The following BLVRA variants were observed in gnomAD, a reference collection of about 807,000 sequenced individuals.
BLVRA encodes the protein biliverdin reductase A.
Under a neutral mutation model 32.8 loss-of-function variants are expected in BLVRA, and 22 were observed. The ratio of observed to expected loss-of-function variants is 0.67; its 90% confidence interval spans 0.48 to 0.96. BLVRA has a LOEUF of 0.96. Among genes scored for constraint, BLVRA ranks in the 40% least tolerant of loss-of-function variants. The probability of loss-of-function intolerance (pLI) is 0.00; values close to 1 mark genes in which losing one functional copy is unlikely to be tolerated. For missense variants in BLVRA, 323 were observed against 358.1 expected, an observed-to-expected ratio of 0.90 and a Z score of 0.79; for synonymous variants, 119 against 141.3, an observed-to-expected ratio of 0.84 and a Z score of 1.12.
At chr7:43,781,431 C>T (rs1270963836) in intron 2 of BLVRA, among the ~76,000 whole-genome samples, 1 of 152,166 alleles carries the variant, frequency 6.6e-6, no homozygotes, top group Non-Finnish European at 1.5e-5. Context: ...ACTGCAACCT[C>T]GGCCTCCCGT....
intron 1 of BLVRA, among the ~76,000 whole-genome samples, chr7:43,765,288 G>A (rs1213975368): frequency 1.3e-5 from 2 of 152,152 alleles, no homozygotes; most frequent in African/African-American, 2.4e-5. Flanking sequence ...GTCTTGCTCT[G>A]TTGCCCAAGC....
At chr7:43,771,305 T>C in intron 2 of BLVRA, 135 bp downstream of exon 2, 1 of 1,046,456 alleles carries the variant, frequency 9.6e-7, no homozygotes, top group South Asian at 1.3e-5. Flanking sequence ...CCTACTGAAG[T>C]GCACGTGGTT....
At chr7:43,765,355 A>C (rs1302174149) in intron 1 of BLVRA, among the ~76,000 whole-genome samples, 1 of 152,000 alleles carries the variant, frequency 6.6e-6, no homozygotes. Context: ...GGGTTCAAGC[A>C]ATTCTCATGT....
At chr7:43,785,723 G>T (rs532215060) in intron 2 of BLVRA, among the ~76,000 whole-genome samples, 6 of 152,270 alleles carry the variant, frequency 3.9e-5, no homozygotes, top group African/African-American at 1.4e-4. Context: ...AGAATCTCTC[G>T]CTTCAATATT....
intron 3 of BLVRA, among the ~76,000 whole-genome samples, chr7:43,788,276 A>T (rs879292423): frequency 5.9e-5 from 9 of 152,212 alleles, no homozygotes; most frequent in South Asian, 2.1e-4. Flanking sequence ...GGTGAGCTCA[A>T]GGCTGACAGT....
intron 2 of BLVRA, among the ~76,000 whole-genome samples, chr7:43,784,224 A>G (rs1425678194): frequency 1.3e-5 from 2 of 152,242 alleles, no homozygotes; most frequent in East Asian, 3.8e-4. Context: ...CCAAAGGTTC[A>G]GGATAGCAGA....
At chr7:43,802,091 G>A (rs1159001600) in intron 6 of BLVRA, among the ~76,000 whole-genome samples, 2 of 152,010 alleles carry the variant, frequency 1.3e-5, no homozygotes, top group East Asian at 3.8e-4. Context: ...GTAGTGAGCC[G>A]AGATCGCACC....
At chr7:43,797,017 C>CAGCA (rs2095793551) in intron 5 of BLVRA, among the ~76,000 whole-genome samples, 1 of 152,226 alleles carries the variant, frequency 6.6e-6, no homozygotes, top group African/African-American at 2.4e-5. Flanking sequence ...CAGTAACCAC[C>CAGCA]AGCATCAGTC....
At chr7:43,772,068 C>T (rs2095755244) in intron 2 of BLVRA, among the ~76,000 whole-genome samples, 1 of 152,236 alleles carries the variant, frequency 6.6e-6, no homozygotes, top group African/African-American at 2.4e-5. Context: ...GAGAAAGTTC[C>T]AGGTTGTGAA....
chr7:43,779,309 C>T (rs557078618), intron 2 of BLVRA, among the ~76,000 whole-genome samples: 76 of 152,310 alleles, frequency 5.0e-4, no homozygotes, highest in Middle Eastern at 3.4e-3. Context: ...TTTCTCATCC[C>T]CTGCAAGGCA....
intron 4 of BLVRA, 53 bp downstream of exon 4, chr7:43,791,421 A>G: frequency 3.7e-5 from 60 of 1,605,884 alleles, no homozygotes; most frequent in Non-Finnish European, 5.0e-5. Flanking sequence ...CAGTACTGCA[A>G]AAATGAGCAA....
chr7:43,788,775 C>T (rs910773321), intron 3 of BLVRA, among the ~76,000 whole-genome samples: 1 of 151,706 alleles, frequency 6.6e-6, no homozygotes, highest in Non-Finnish European at 1.5e-5. Context: ...GCTGGGACTA[C>T]AGACACACAC....
intron 2 of BLVRA, among the ~76,000 whole-genome samples, chr7:43,778,591 G>C (rs2132560828): frequency 6.6e-6 from 1 of 152,350 alleles, no homozygotes; most frequent in Non-Finnish European, 1.5e-5. Context: ...TCCCAGTTAG[G>C]CTGCTCGGGG....
rs746796433 is a variant in BLVRA, at chr7:43,800,558, C to T, written c.446C>T (p.Ser149Leu). The T allele has an allele frequency of 3.3e-5, 53 of 1,613,706 alleles. No individual in the cohort carries two copies. The highest frequency in any genetic ancestry group is 4.2e-5 in the Non-Finnish European group (50 of 1,179,802). ...EVVGKDLLKG[S>L]LLFTAGPLEE... ...GTGGGGAAAGACCTGCTGAAAGGGT[C>T]GCTCCTCTTCACAGGTCAGTGCTAC... Residue 149 changes from serine (S) to leucine (L), a missense_variant, in exon 6 of 8, where the codon TCG (serine) becomes TTG (leucine). By Grantham distance (145) the Ser-to-Leu change is moderately radical. Coordinates refer to ENST00000265523, the MANE Select transcript of BLVRA (RefSeq NM_000712.4).
chr7:43,791,060 C>T (rs2095785276), intron 3 of BLVRA, among the ~76,000 whole-genome samples, 189 bp from the exon 4 acceptor site: 3 of 152,176 alleles, frequency 2.0e-5, no homozygotes. Context: ...AATGCCAGAT[C>T]CCCTGACTTG....
At chr7:43,759,988 A>ATTTTTTTTTTTTTTTTTTTTTTTTTT in intron 1 of BLVRA, 1 of 122,046 alleles carries the variant, frequency 8.2e-6, no homozygotes, top group Non-Finnish European at 1.6e-5. Context: ...TTCATATGTA[A>ATTTTTTTTTTTTTTTTTTTTTTTTTT]TTTTTTTTTT....
At chr7:43,761,049 C>T (rs1326505348) in intron 1 of BLVRA, among the ~76,000 whole-genome samples, 1 of 152,140 alleles carries the variant, frequency 6.6e-6, no homozygotes, top group Non-Finnish European at 1.5e-5. Context: ...GGATTACAGG[C>T]GTGAGCCATT....
intron 2 of BLVRA, among the ~76,000 whole-genome samples, chr7:43,782,366 G>C (rs1013930536): frequency 3.9e-5 from 6 of 152,216 alleles, no homozygotes; most frequent in African/African-American, 1.4e-4. Context: ...TTGATCCCAG[G>C]ATGTTTGTTG....
intron 7 of BLVRA, among the ~76,000 whole-genome samples, chr7:43,804,662 G>T (rs2095802249): frequency 6.6e-6 from 1 of 152,134 alleles, no homozygotes; most frequent in Non-Finnish European, 1.5e-5. Context: ...CTGTGTTTCA[G>T]CTTTAGCATC....
Sources: gnomAD v4.1 joint callset for allele counts (sites outside exome capture counted in the v4.1 genomes callset) on GRCh38, gnomAD v4.1.1 for gene constraint, MANE v1.5 for transcripts, NCBI Gene and HGNC (gene_info 2026-07-23, HGNC 2026-07-21) for gene names.